WNK3: variants seen among roughly 807,000 people sequenced by gnomAD.
WNK3 encodes the protein WNK lysine deficient protein kinase 3.
A neutral mutation model predicts 116.7 loss-of-function variants in WNK3; 18 were observed. That is an observed-to-expected ratio of 0.15 (90% CI 0.11 to 0.23). The LOEUF (loss-of-function observed/expected upper bound fraction) is 0.23. Among genes scored for constraint, WNK3 ranks in the 10% least tolerant of loss-of-function variants. WNK3 has a pLI of 1.00. For synonymous variants in WNK3, 404 were observed against 469.4 expected (o/e 0.86, Z 1.80); for missense variants, 993 against 1,323.8 (o/e 0.75, Z 3.88).
chrX:54,278,471 C>T (rs1717643739), intron 10 of WNK3, among the ~76,000 whole-genome samples: 2 of 109,472 alleles, frequency 1.8e-5, no homozygotes, highest in South Asian at 7.9e-4. Context: ...AATCACACTA[C>T]CCAATATTAA....
intron 1 of WNK3, among the ~76,000 whole-genome samples, chrX:54,353,323 T>C (rs2069544703): frequency 9.0e-6 from 1 of 110,840 alleles, no homozygotes. Context: ...CCAGGCATGG[T>C]GGTGCATGCC....
intron 2 of WNK3, among the ~76,000 whole-genome samples, chrX:54,322,293 C>T (rs2069047594): frequency 8.9e-6 from 1 of 111,814 alleles, no homozygotes; most frequent in Non-Finnish European, 1.9e-5. Context: ...TACCTAACAA[C>T]TATATTTCTC....
Position 54,347,683 on chromosome X carries a change from T to TATATATATATACACATATATATATACAC in WNK3, c.-120+9975_-120+10002dup, listed in dbSNP as rs1323652439. On this transcript the variant is annotated intron_variant, in intron 1 of 23. Transcript: ENST00000354646. ...TAAAAGACATATATATATATACACA[T>TATATATATATACACATATATATATACAC]ATATATATATACACATATATATATA... Among the ~76,000 whole-genome samples, 124 of 96,597 alleles carry TATATATATATACACATATATATATACAC rather than the reference T, an allele frequency of 1.3e-3. 1 individual carries two copies. The highest frequency in any genetic ancestry group is 5.3e-3 in the African/African-American group (117 of 21,980). The allele number at this position is 96,597 out of a possible 115,157, so 83.9% of individuals were successfully genotyped here.
intron 10 of WNK3, among the ~76,000 whole-genome samples, chrX:54,260,598 T>C (rs782062022): frequency 9.2e-4 from 103 of 112,371 alleles, no homozygotes; most frequent in African/African-American, 3.3e-3. Context: ...TCATATCTGA[T>C]AGGTACAAGT....
intron 22 of WNK3, among the ~76,000 whole-genome samples, chrX:54,202,847 T>C (rs1402183611): frequency 9.3e-6 from 1 of 107,201 alleles, no homozygotes; most frequent in Non-Finnish European, 1.9e-5. Flanking sequence ...TAAAAAAGAA[T>C]CAAATAATGT....
chrX:54,226,121 A>AAAAAT (rs2067834437), intron 22 of WNK3, among the ~76,000 whole-genome samples: 1 of 105,108 alleles, frequency 9.5e-6, no homozygotes, highest in Non-Finnish European at 1.9e-5. Flanking sequence ...AAAAAAAAAA[A>AAAAAT]GAATCTGGAT....
intron 2 of WNK3, among the ~76,000 whole-genome samples, chrX:54,331,326 G>A (rs934733833): frequency 2.8e-5 from 3 of 108,734 alleles, no homozygotes. Flanking sequence ...AGAGATTCAA[G>A]ATAAGTGAAA....
chrX:54,260,616 T>C (rs1160756793), intron 10 of WNK3, among the ~76,000 whole-genome samples: 1 of 112,431 alleles, frequency 8.9e-6, no homozygotes, highest in Non-Finnish European at 1.9e-5. Flanking sequence ...AGTTAAGCTC[T>C]GTCATAATAT....
At chrX:54,287,270 C>T (rs1439213090) in intron 10 of WNK3, among the ~76,000 whole-genome samples, 2 of 111,999 alleles carry the variant, frequency 1.8e-5, no homozygotes, top group Non-Finnish European at 3.8e-5. Context: ...ATAAGAGAAC[C>T]ATAGGTTCCA....
At chrX:54,214,629 C>T (rs1276046054) in intron 22 of WNK3, among the ~76,000 whole-genome samples, 1 of 111,804 alleles carries the variant, frequency 8.9e-6, no homozygotes, top group African/African-American at 3.3e-5. Flanking sequence ...CTCATTCCCC[C>T]TTGTTCCCCA....
At chrX:54,356,704 T>C (rs1400516732) in intron 1 of WNK3, among the ~76,000 whole-genome samples, 1 of 111,326 alleles carries the variant, frequency 9.0e-6, no homozygotes, top group African/African-American at 3.3e-5. Flanking sequence ...ATCACTACTA[T>C]GCAGAAGATT....
chrX:54,259,370 G>A, intron 10 of WNK3, 32 bp from the exon 11 acceptor site: 1 of 992,400 alleles, frequency 1.0e-6, no homozygotes, highest in Non-Finnish European at 1.4e-6. Flanking sequence ...AACTTGCTAT[G>A]ATAACAGTAA....
intron 22 of WNK3, among the ~76,000 whole-genome samples, chrX:54,210,164 A>T (rs2067597577): frequency 8.9e-6 from 1 of 111,944 alleles, no homozygotes; most frequent in South Asian, 3.7e-4. Flanking sequence ...TAGAAATATG[A>T]AATCACCTGT....
intron 22 of WNK3, among the ~76,000 whole-genome samples, chrX:54,216,117 A>T (rs1318479030): frequency 9.1e-6 from 1 of 109,400 alleles, no homozygotes; most frequent in Non-Finnish European, 1.9e-5. Flanking sequence ...CCCTAATCTC[A>T]AGTACCCAGG....
chrX:54,348,186 AT>A lies in WNK3; in HGVS notation c.-120+9499del, dbSNP rs1162128630. The stretch of plus-strand genomic sequence containing the variant: ...AACTAGAATTGCTAGATCAAAGGAA[AT>A]TTTTTTTTTAAGACAGTCTCGCTCT... On this transcript the variant is annotated intron_variant, in intron 1 of 23. Transcript: ENST00000354646. Among the ~76,000 whole-genome samples, 8 of 106,393 alleles carry A rather than the reference AT, an allele frequency of 7.5e-5. No homozygotes were observed. In the East Asian group the frequency reaches 1.8e-3, roughly 23 times the overall value. The allele number at this position is 106,393 out of a possible 115,157, so 92.4% of individuals were successfully genotyped here.
At position 54,275,413 on chromosome X, in the gene WNK3, ATATGTGTGTGTGTGTGTG is replaced by A. The variant is rs1198741131; in HGVS notation, c.2038-16093_2038-16076del. On this transcript the variant is annotated intron_variant, in intron 10 of 23. Coordinates refer to ENST00000354646, the Ensembl canonical transcript of WNK3. The stretch of plus-strand genomic sequence containing the variant: ...GTCGGTATCTGTAGGGTATAAGTTC[ATATGTGTGTGTGTGTGTG>A]TGTGTGTGTGTGTGTGTGTGTGTGT... Among the ~76,000 whole-genome samples, 194 of 58,359 alleles carry A rather than the reference ATATGTGTGTGTGTGTGTG, an allele frequency of 3.3e-3. 1 individual carries two copies. Among genetic ancestry groups the A allele is most frequent in the African/African-American group, 0.012 (191 of 16,211 alleles). 50.7% of individuals were successfully genotyped at this position (58,359 alleles called of 115,157 possible). A position where few individuals can be genotyped will look rare whatever the true frequency, so the allele number is the denominator to read the frequency against.
intron 2 of WNK3, among the ~76,000 whole-genome samples, chrX:54,331,821 T>C (rs1386057688): frequency 3.6e-5 from 4 of 111,674 alleles, no homozygotes; most frequent in African/African-American, 1.3e-4. Flanking sequence ...AACCATGGCA[T>C]TAAACAAAAA....
chrX:54,208,717 C>T (rs2146724124), intron 22 of WNK3, among the ~76,000 whole-genome samples: 2 of 111,969 alleles, frequency 1.8e-5, no homozygotes, highest in African/African-American at 3.2e-5. Flanking sequence ...TCTCCCAGAC[C>T]ACCCACACAT....
intron 17 of WNK3, among the ~76,000 whole-genome samples, chrX:54,243,321 T>G (rs1402391833): frequency 2.0e-5 from 2 of 102,099 alleles, no homozygotes; most frequent in African/African-American, 3.7e-5. Context: ...CTCGGGAGGC[T>G]GAGGCAGGAG....
Sources: allele counts gnomAD v4.1 joint callset (sites outside exome capture counted in the v4.1 genomes callset), GRCh38; gene constraint gnomAD v4.1.1; transcripts MANE v1.5; gene names NCBI Gene and HGNC (gene_info 2026-07-23, HGNC 2026-07-21).